COL19A1: variants seen among roughly 807,000 people sequenced by gnomAD.
COL19A1 encodes collagen alpha-1(XIX) chain.
COL19A1 carries 159 observed loss-of-function variants against 190.2 expected under a neutral mutation model. That is an observed-to-expected ratio of 0.84 (90% CI 0.73 to 0.95). COL19A1 has a LOEUF of 0.95. Ranked by LOEUF, COL19A1 falls within the 40% of genes least tolerant of loss-of-function variation. COL19A1 has a pLI of 0.00. For synonymous variants in COL19A1, 509 were observed against 458.9 expected (o/e 1.11, Z -1.39); for missense variants, 1,418 against 1,431.9 (o/e 0.99, Z 0.16).
At chr6:70,007,284 G>A (rs1285333579) in intron 11 of COL19A1, among the ~76,000 whole-genome samples, 4 of 152,054 alleles carry the variant, frequency 2.6e-5, no homozygotes, top group African/African-American at 9.7e-5. Flanking sequence ...GGTAAAGAAT[G>A]TCAGATTGGA....
intron 11 of COL19A1, among the ~76,000 whole-genome samples, chr6:70,017,558 G>A (rs955366391): frequency 2.0e-5 from 3 of 152,122 alleles, no homozygotes; most frequent in African/African-American, 7.2e-5. Flanking sequence ...AGACTCATTA[G>A]CATATAGATG....
At chr6:69,979,638 A>G (rs1022773970) in intron 11 of COL19A1, among the ~76,000 whole-genome samples, 2 of 151,756 alleles carry the variant, frequency 1.3e-5, no homozygotes, top group Non-Finnish European at 3.0e-5. Context: ...AAATTAAGTA[A>G]CCTATGTAGC....
chr6:70,162,024 C>A, intron 35 of COL19A1, 71 bp downstream of exon 35: 1 of 1,387,010 alleles, frequency 7.2e-7, no homozygotes, highest in South Asian at 1.4e-5. Context: ...AATTAATTTT[C>A]TTCATTGCCT....
chr6:70,046,922 A>G (rs1260772822), intron 14 of COL19A1, among the ~76,000 whole-genome samples: 2 of 152,198 alleles, frequency 1.3e-5, no homozygotes, highest in Admixed American at 1.3e-4. Flanking sequence ...TTAACAACAA[A>G]GAAAAATTCC....
chr6:70,035,785 T>A (rs1419425275), intron 13 of COL19A1, 119 bp from the exon 14 acceptor site: 15 of 746,720 alleles, frequency 2.0e-5, no homozygotes, highest in Non-Finnish European at 3.1e-5. Context: ...AGGATGAAGT[T>A]CTATTTTTCT....
chr6:69,977,281 G>C (rs1775767717), intron 11 of COL19A1, among the ~76,000 whole-genome samples: 1 of 151,930 alleles, frequency 6.6e-6, no homozygotes, highest in Non-Finnish European at 1.5e-5. Flanking sequence ...GATGAAGCTG[G>C]AAACCATCAT....
intron 14 of COL19A1, among the ~76,000 whole-genome samples, chr6:70,067,282 G>A (rs1308066053): frequency 6.6e-6 from 1 of 152,110 alleles, no homozygotes; most frequent in Non-Finnish European, 1.5e-5. Flanking sequence ...GGGAGCAGCA[G>A]GAGTGGAGAG....
rs16868421 is a variant in COL19A1 at position 69,995,354 on chromosome 6, A to T, written c.1027-28273A>T. Reference sequence around the variant, plus strand: ...CCAATGTGAGTGATCACTATCTAATAGTATATTTTCCAAAAGCCTAGCTTT... The same window carrying T: ...CCAATGTGAGTGATCACTATCTAATTGTATATTTTCCAAAAGCCTAGCTTT... On this transcript the variant is annotated intron_variant, in intron 11 of 50. Transcript: ENST00000620364. Among the ~76,000 whole-genome samples, 782 of 152,322 alleles carry T rather than the reference A, an allele frequency of 5.1e-3. 10 individuals are homozygous for T. Among genetic ancestry groups the T allele is most frequent in the African/African-American group, 0.018 (734 of 41,562 alleles).
At chr6:70,157,297 G>A (rs990793857) in intron 34 of COL19A1, among the ~76,000 whole-genome samples, 1 of 152,086 alleles carries the variant, frequency 6.6e-6, no homozygotes, top group Non-Finnish European at 1.5e-5. Flanking sequence ...CAAGTCCAAT[G>A]TGCTTTTGAG....
At chr6:70,099,334 A>G (rs1164724132) in intron 15 of COL19A1, among the ~76,000 whole-genome samples, 2 of 152,282 alleles carry the variant, frequency 1.3e-5, no homozygotes, top group Admixed American at 6.5e-5. Flanking sequence ...ACATGGCACC[A>G]CAAGTGGAAA....
At chr6:70,077,669 T>C (rs941465327) in intron 15 of COL19A1, among the ~76,000 whole-genome samples, 3 of 147,476 alleles carry the variant, frequency 2.0e-5, no homozygotes, top group Non-Finnish European at 1.5e-5. Flanking sequence ...ATGCACTTCT[T>C]GAACACTAGA....
Position 70,144,939 on chromosome 6 carries a change from G to T in COL19A1, c.1702G>T (p.Gly568Cys). The change falls in exon 25 of 51, where the codon GGC becomes TGC. Residue 568 changes from glycine to cysteine, a missense_variant. Transcript: ENST00000620364. ...GEKGDPGGII[G>C]PPGLPGPKGE... ...ACAGGGAGATCCGGGTGGGATCATA[G>T]GCCCTCCCGGGCTTCCAGGTCCAAA... 2 of 1,584,116 alleles carry T rather than the reference G, an allele frequency of 1.3e-6. No individual in the cohort carries two copies. Among genetic ancestry groups the T allele is most frequent in the East Asian group, 2.3e-5 (1 of 43,740 alleles).
chr6:70,142,028 A>T lies in COL19A1; in HGVS notation c.1524A>T (p.Glu508Asp). Residue 508 changes from glutamate (E) to aspartate (D), a missense_variant, in exon 22 of 51, where the codon GAA becomes GAT. Transcript: ENST00000620364. ...GVIGSQGVKG[E>D]PGDPGPPGLI... ...CCTTCCCCCCACGTGTTTAGGGTGAACCTGGAGATCCCGGACCCCCTGGTT... is the reference window on the plus strand; with the variant it reads ...CCTTCCCCCCACGTGTTTAGGGTGATCCTGGAGATCCCGGACCCCCTGGTT... 1 of 1,612,452 alleles carries T rather than the reference A, an allele frequency of 6.2e-7. No individual in the cohort carries two copies. The highest frequency in any genetic ancestry group is 1.1e-5 in the South Asian group (1 of 91,036).
At chr6:70,040,404 A>C (rs907297804) in intron 14 of COL19A1, among the ~76,000 whole-genome samples, 1 of 152,096 alleles carries the variant, frequency 6.6e-6, no homozygotes, top group African/African-American at 2.4e-5. Context: ...AATAGCTTTT[A>C]CCCTTTATTT....
At chr6:69,958,366 A>G (rs1040773334) in intron 9 of COL19A1, among the ~76,000 whole-genome samples, 4 of 152,234 alleles carry the variant, frequency 2.6e-5, no homozygotes, top group African/African-American at 9.6e-5. Flanking sequence ...GATGAAAATA[A>G]TCTGCTCCTT....
In COL19A1 at chr6:69,933,080, T is replaced by C. The variant is rs75787324; in HGVS notation, c.747+217T>C. Among the ~76,000 whole-genome samples the C allele has an allele frequency of 2.5e-4, 38 of 152,214 alleles. No individual in the cohort carries two copies. In the East Asian group the frequency reaches 4.0e-3, roughly 16 times the overall value. On this transcript the variant is annotated intron_variant, in intron 7 of 50. Coordinates refer to ENST00000620364, the MANE Select transcript of COL19A1 (RefSeq NM_001858.6). ...CACCCTTAATTTTGAGGGTAATATATACTCACTTTGAACTCAGTATAACTT... is the reference window on the plus strand; with the variant it reads ...CACCCTTAATTTTGAGGGTAATATACACTCACTTTGAACTCAGTATAACTT...
intron 15 of COL19A1, among the ~76,000 whole-genome samples, chr6:70,088,445 A>G (rs1233963977): frequency 6.6e-6 from 1 of 152,136 alleles, no homozygotes; most frequent in Non-Finnish European, 1.5e-5. Flanking sequence ...AATTTGTGTC[A>G]TAAATATATG....
chr6:70,060,676 GGACC>G (rs1321081511), intron 14 of COL19A1, among the ~76,000 whole-genome samples: 4 of 151,978 alleles, frequency 2.6e-5, no homozygotes, highest in Non-Finnish European at 2.9e-5. Flanking sequence ...CCCCTAGAAG[GGACC>G]GTCTAGTTGC....
At chr6:69,937,956 G>T in intron 8 of COL19A1, 82 bp from the exon 9 acceptor site, 2 of 1,344,512 alleles carry the variant, frequency 1.5e-6, no homozygotes, top group Middle Eastern at 1.8e-4. Context: ...TCTTGCTAGT[G>T]CCAGCTTCAC....
Sources: allele counts gnomAD v4.1 joint callset (sites outside exome capture counted in the v4.1 genomes callset), GRCh38; gene constraint gnomAD v4.1.1; transcripts MANE v1.5; gene names NCBI Gene and HGNC (gene_info 2026-07-23, HGNC 2026-07-21).